The following ST18 variants were observed in gnomAD, a reference collection of about 807,000 sequenced individuals.
The protein encoded by ST18 is ST18 C2H2C-type zinc finger transcription factor.
A neutral mutation model predicts 110.0 loss-of-function variants in ST18; 50 were observed. That is an observed-to-expected ratio of 0.45 (90% CI 0.36 to 0.58). The LOEUF is 0.58. Ranked by LOEUF, ST18 falls within the 20% of genes least tolerant of loss-of-function variation. ST18 has a pLI of 0.00. For missense variants in ST18, 1,306 were observed against 1,280.1 expected (o/e 1.02, Z -0.31); for synonymous variants, 461 against 452.4 (o/e 1.02, Z -0.24).
chr8:52,317,597 C>T lies in ST18; in HGVS notation c.-464-87520G>A, dbSNP rs556960782. Among the ~76,000 whole-genome samples the T allele has an allele frequency of 1.6e-3, 240 of 152,304 alleles. 2 individuals carry two copies. The highest frequency in any genetic ancestry group is 5.5e-3 in the African/African-American group (228 of 41,560). On this transcript the variant is annotated intron_variant, in intron 2 of 25. Coordinates refer to ENST00000689386, the MANE Select transcript of ST18 (RefSeq NM_001352837.2). Reference sequence around the variant, plus strand: ...CTGGACCTGACTGTTTCTCCCTATACGTCATGGTGTGTTTATCTACTATTT... The same window carrying T: ...CTGGACCTGACTGTTTCTCCCTATATGTCATGGTGTGTTTATCTACTATTT...
chr8:52,346,910 G>A (rs1233000724), intron 2 of ST18, among the ~76,000 whole-genome samples: 1 of 152,170 alleles, frequency 6.6e-6, no homozygotes, highest in African/African-American at 2.4e-5. Flanking sequence ...TGGAGTAGGG[G>A]AAAGCAAAGA....
chr8:52,245,392 A>T (rs2093761975), intron 2 of ST18, among the ~76,000 whole-genome samples: 1 of 152,124 alleles, frequency 6.6e-6, no homozygotes, highest in African/African-American at 2.4e-5. Context: ...ATCTCATGCC[A>T]AACATGAATT....
At position 52,171,992 on chromosome 8, in the gene ST18, G is replaced by A. The variant is rs145432477; in HGVS notation, c.869C>T (p.Thr290Met). The change falls in exon 10 of 26, where the codon ACG becomes ATG. Residue 290 changes from threonine to methionine, a missense_variant. Transcript: ENST00000689386. ...EEDSESLAVM[T>M]EEGSDLEKAK... ...CTTTTCCAGGTCACTACCCTCTTCC[G>A]TCATTACTGCCAGGCTCTCGCTATC... The A allele has an allele frequency of 1.1e-5, 18 of 1,614,174 alleles. No homozygotes were observed. Among genetic ancestry groups the A allele is most frequent in the African/African-American group, 2.7e-5 (2 of 75,024 alleles).
intron 8 of ST18, among the ~76,000 whole-genome samples, chr8:52,196,598 C>T (rs1299553456): frequency 6.6e-6 from 1 of 151,788 alleles, no homozygotes; most frequent in Non-Finnish European, 1.5e-5. Flanking sequence ...GAGAGAGAGA[C>T]CTCATTCATA....
In ST18 at chr8:52,161,405, GCACTGT is replaced by G; in HGVS notation, c.1558_1563del (p.Thr520_Val521del). ...GGAAATGGTGGTGTTTTTCGTCCTT[GCACTGT>G]TTGTATGAGAGGGCGTTTACCGAAA... On this transcript the variant is annotated inframe_deletion, in exon 14 of 26. Transcript: ENST00000689386. 6.2e-7 allele frequency: 1 copy of G among 1,614,124 alleles called. No homozygotes were observed. The highest frequency in any genetic ancestry group is 1.1e-5 in the South Asian group (1 of 91,070).
chr8:52,359,749 G>A (rs1824843706), intron 2 of ST18, among the ~76,000 whole-genome samples: 2 of 152,104 alleles, frequency 1.3e-5, no homozygotes, highest in Non-Finnish European at 2.9e-5. Flanking sequence ...TCACAGCTCT[G>A]AGGAGCAAAA....
chr8:52,381,564 A>G (rs1834529255), intron 2 of ST18, among the ~76,000 whole-genome samples: 1 of 152,222 alleles, frequency 6.6e-6, no homozygotes, highest in Non-Finnish European at 1.5e-5. Context: ...CATACTATTA[A>G]TATTCTAAAC....
At chr8:52,122,087 G>A (rs762527731) in intron 23 of ST18, among the ~76,000 whole-genome samples, 4 of 152,048 alleles carry the variant, frequency 2.6e-5, no homozygotes, top group South Asian at 2.1e-4. Context: ...CTGCTGATCC[G>A]CCTTCCTTGC....
At chr8:52,257,684 A>G (rs2094567567) in intron 2 of ST18, among the ~76,000 whole-genome samples, 1 of 152,188 alleles carries the variant, frequency 6.6e-6, no homozygotes, top group Non-Finnish European at 1.5e-5. Context: ...TATTCTAGAT[A>G]CAAGTTTCTT....
chr8:52,169,044 T>C (rs1355362780), intron 10 of ST18, among the ~76,000 whole-genome samples: 1 of 152,184 alleles, frequency 6.6e-6, no homozygotes, highest in African/African-American at 2.4e-5. Context: ...ACTGTTTGTC[T>C]GCAGGAAGCC....
chr8:52,138,622 C>G (rs1395836919), intron 17 of ST18, among the ~76,000 whole-genome samples: 2 of 151,912 alleles, frequency 1.3e-5, no homozygotes, highest in Non-Finnish European at 2.9e-5. Context: ...AGTTAGTTAT[C>G]CTTAGCAGTT....
chr8:52,346,390 T>A (rs1564543052), intron 2 of ST18, among the ~76,000 whole-genome samples: 1 of 152,004 alleles, frequency 6.6e-6, no homozygotes, highest in African/African-American at 2.4e-5. Context: ...AGTTCCAATA[T>A]ACAATGAAAA....
intron 8 of ST18, among the ~76,000 whole-genome samples, chr8:52,188,708 G>C (rs1185447143): frequency 6.6e-6 from 1 of 152,216 alleles, no homozygotes; most frequent in East Asian, 1.9e-4. Context: ...TGAGAGATGT[G>C]AGTGATTTGG....
chr8:52,205,707 A>T (rs2079754029), intron 8 of ST18, among the ~76,000 whole-genome samples: 1 of 152,124 alleles, frequency 6.6e-6, no homozygotes, highest in Non-Finnish European at 1.5e-5. Flanking sequence ...AGATGGGATT[A>T]CAGGTGCGTG....
chr8:52,202,204 A>G (rs1275222932), intron 8 of ST18, among the ~76,000 whole-genome samples: 1 of 152,232 alleles, frequency 6.6e-6, no homozygotes, highest in Non-Finnish European at 1.5e-5. Context: ...GGCAGTTTAA[A>G]GACAGTTGTA....
At chr8:52,275,489 C>G (rs2095214863) in intron 2 of ST18, among the ~76,000 whole-genome samples, 1 of 152,130 alleles carries the variant, frequency 6.6e-6, no homozygotes. Context: ...TCCATCACAG[C>G]TGAAGGTCCA....
At chr8:52,204,074 T>A (rs1233011327) in intron 8 of ST18, among the ~76,000 whole-genome samples, 1 of 152,194 alleles carries the variant, frequency 6.6e-6, no homozygotes, top group African/African-American at 2.4e-5. Context: ...GAAGAGCTGG[T>A]TGATTTCAAA....
chr8:52,114,369 C>T (rs1022336388), intron 25 of ST18, among the ~76,000 whole-genome samples: 5 of 152,106 alleles, frequency 3.3e-5, no homozygotes, highest in Non-Finnish European at 5.9e-5. Context: ...AAATGTGAAA[C>T]GGAATGAATG....
chr8:52,161,678 G>C (rs558872355), intron 13 of ST18, 110 bp from the exon 14 acceptor site: 3 of 1,239,324 alleles, frequency 2.4e-6, no homozygotes, highest in Non-Finnish European at 3.4e-6. Context: ...GGTATCCACA[G>C]AGACACTGAA....
Sources: gnomAD v4.1 joint callset for allele counts (sites outside exome capture counted in the v4.1 genomes callset) on GRCh38, gnomAD v4.1.1 for gene constraint, MANE v1.5 for transcripts, NCBI Gene and HGNC (gene_info 2026-07-23, HGNC 2026-07-21) for gene names.